PTPRQ: variants seen among roughly 807,000 people sequenced by gnomAD.
PTPRQ encodes protein tyrosine phosphatase receptor type Q, also known as phosphatidylinositol phosphatase PTPRQ.
A neutral mutation model predicts 246.0 loss-of-function variants in PTPRQ; 199 were observed. That is an observed-to-expected ratio of 0.81 (90% CI 0.72 to 0.91). The LOEUF (loss-of-function observed/expected upper bound fraction) is 0.91. Among genes scored for constraint, PTPRQ ranks in the 40% least tolerant of loss-of-function variants. The probability of loss-of-function intolerance (pLI) is 0.00; values close to 1 mark genes in which losing one functional copy is unlikely to be tolerated. For synonymous variants in PTPRQ, 869 were observed against 853.2 expected (o/e 1.02, Z -0.32); for missense variants, 2,624 against 2,528.4 (o/e 1.04, Z -0.81).
At chr12:80,617,095 G>T (rs1348720494) in intron 30 of PTPRQ, among the ~76,000 whole-genome samples, 2 of 151,184 alleles carry the variant, frequency 1.3e-5, no homozygotes, top group Non-Finnish European at 3.0e-5. Context: ...AAAGGTGACA[G>T]CATTAGGCTG....
rs1287111560 is a variant in PTPRQ at position 80,605,182 on chromosome 12, T to C, written c.4731+2T>C. On this transcript the variant is annotated splice_donor_variant, in intron 27 of 44. Coordinates refer to ENST00000644991, the MANE Select transcript of PTPRQ (RefSeq NM_001145026.2). LOFTEE classifies it high-confidence loss of function. ...TGTTATCTGATTGATGTCAAATCGG[T>C]AAGGCATGTCTTACCTTCTGTAAAA... The C allele has an allele frequency of 1.3e-6, 2 of 1,540,622 alleles. No homozygotes were observed. Among genetic ancestry groups the C allele is most frequent in the South Asian group, 1.2e-5 (1 of 82,472 alleles).
chr12:80,564,025 GT>G (rs547850343), intron 25 of PTPRQ, among the ~76,000 whole-genome samples: 6 of 151,578 alleles, frequency 4.0e-5, no homozygotes, highest in African/African-American at 9.7e-5. Context: ...AGACTGCACT[GT>G]TTTTTTTGTG....
intron 25 of PTPRQ, among the ~76,000 whole-genome samples, chr12:80,565,502 C>A (rs1390392871): frequency 6.6e-6 from 1 of 151,826 alleles, no homozygotes; most frequent in Admixed American, 6.6e-5. Context: ...TATTTTTTTT[C>A]TTATTCTCTT....
intron 8 of PTPRQ, among the ~76,000 whole-genome samples, chr12:80,479,646 G>A (rs920288524): frequency 7.1e-6 from 1 of 140,920 alleles, no homozygotes; most frequent in Non-Finnish European, 1.5e-5. Context: ...CACGTGCAGA[G>A]ACACACATAG....
Position 80,453,144 on chromosome 12 carries a change from C to T in PTPRQ, c.391-4431C>T, listed in dbSNP as rs557030956. On this transcript the variant is annotated intron_variant, in intron 3 of 44. Coordinates refer to ENST00000644991, the MANE Select transcript of PTPRQ (RefSeq NM_001145026.2). ...TCTTCCATCACTGATACCCTTTCTT[C>T]CAGTTGATCGCATCGGCTCCTGAGG... Among the ~76,000 whole-genome samples the T allele has an allele frequency of 1.2e-3, 187 of 152,270 alleles. 1 individual carries two copies. Among genetic ancestry groups the T allele is most frequent in the Non-Finnish European group, 1.7e-3 (116 of 68,022 alleles).
chr12:80,663,238 T>A (rs1375244436), intron 39 of PTPRQ, among the ~76,000 whole-genome samples: 2 of 151,916 alleles, frequency 1.3e-5, no homozygotes, highest in Non-Finnish European at 2.9e-5. Flanking sequence ...GTAACAAGAT[T>A]GTATAGGAAT....
intron 6 of PTPRQ, chr12:80,462,915 G>GA (rs1207319073): frequency 1.1e-5 from 1 of 88,886 alleles, no homozygotes; most frequent in East Asian, 2.5e-4. Flanking sequence ...CAAAGATGGG[G>GA]AAAAAACAGA....
Position 80,535,226 on chromosome 12 carries a change from GAC to G in PTPRQ, c.2985+209_2985+210del, listed in dbSNP as rs5799482. On this transcript the variant is annotated intron_variant, in intron 19 of 44. Transcript: ENST00000644991. Reference sequence around the variant, plus strand: ...CAGATACATTTAATCTCTCTTTACAGACACACACACACACACACACATACAAC... The same window carrying G: ...CAGATACATTTAATCTCTCTTTACAGACACACACACACACACACATACAAC... 0.056 allele frequency among the ~76,000 whole-genome samples: 8,491 copies of G among 151,262 alleles called. 313 individuals are homozygous for G. The highest frequency in any genetic ancestry group is 0.16 in the East Asian group (825 of 5,092).
intron 25 of PTPRQ, among the ~76,000 whole-genome samples, chr12:80,563,923 T>A (rs1257112192): frequency 6.6e-6 from 1 of 152,024 alleles, no homozygotes; most frequent in East Asian, 1.9e-4. Context: ...TCAACATTTG[T>A]CAGTATGGGA....
Position 80,534,041 on chromosome 12 carries a change from A to C in PTPRQ, c.2705A>C (p.Asn902Thr), listed in dbSNP as rs975984734. Residue 902 changes from asparagine (N) to threonine (T), a missense_variant, in exon 18 of 45, where the codon AAT becomes ACT. By Grantham distance (65) the Asn-to-Thr change is moderately conservative. Coordinates refer to ENST00000644991, the MANE Select transcript of PTPRQ (RefSeq NM_001145026.2). ...AATAGATCATCATTAAAAACTATTA[A>C]TGTCACTGAAACATCATTGGAGTTA... ...VWNRSSLKTI[N>T]VTETSLELSD... 7.6e-5 allele frequency: 115 copies of C among 1,522,588 alleles called. No individual in the cohort carries two copies. The highest frequency in any genetic ancestry group is 9.8e-5 in the Non-Finnish European group (111 of 1,136,146). The allele number at this position is 1,522,588 out of a possible 1,614,324, so 94.3% of individuals were successfully genotyped here. A position where few individuals can be genotyped will look rare whatever the true frequency, so the allele number is the denominator to read the frequency against.
intron 32 of PTPRQ, 44 bp from the exon 33 acceptor site, chr12:80,622,017 C>A (rs973064118): frequency 8.4e-7 from 1 of 1,185,448 alleles, no homozygotes; most frequent in Non-Finnish European, 1.1e-6. Context: ...TAGGAAAAAT[C>A]ACATGATATG....
intron 33 of PTPRQ, among the ~76,000 whole-genome samples, chr12:80,626,793 T>G (rs1241714893): frequency 6.6e-6 from 1 of 152,178 alleles, no homozygotes; most frequent in East Asian, 1.9e-4. Flanking sequence ...TGCTGTACCA[T>G]TTTCTCTTCT....
At chr12:80,505,958 C>A (rs1182189142) in intron 14 of PTPRQ, 66 bp from the exon 15 acceptor site, 2 of 1,485,010 alleles carry the variant, frequency 1.3e-6, no homozygotes, top group African/African-American at 1.4e-5. Context: ...ACTTCAGTGA[C>A]AATTTCAGCA....
At chr12:80,604,036 C>T (rs1898228994) in intron 26 of PTPRQ, among the ~76,000 whole-genome samples, 1 of 151,480 alleles carries the variant, frequency 6.6e-6, no homozygotes, top group Non-Finnish European at 1.5e-5. Flanking sequence ...TTTGGTGTTT[C>T]ACCAAGATCA....
chr12:80,542,014 C>T (rs781409292), intron 21 of PTPRQ, 75 bp from the exon 22 acceptor site: 95 of 1,491,168 alleles, frequency 6.4e-5, no homozygotes, highest in Non-Finnish European at 8.5e-5. Flanking sequence ...AAATCAAATC[C>T]CATTATGATT....
In PTPRQ at chr12:80,590,704, C is replaced by T. The variant is rs1216668597; in HGVS notation, c.4609+2252C>T. 3.4e-5 allele frequency among the ~76,000 whole-genome samples: 5 copies of T among 146,586 alleles called. No individual in the cohort carries two copies. In the South Asian group the frequency reaches 1.1e-3, roughly 33 times the overall value. On this transcript the variant is annotated intron_variant, in intron 26 of 44. Transcript: ENST00000644991. ...AAAAAAAAAAAAACTATCCAATGTA[C>T]TCCCATGGCTCTTAGAATAAATTTT...
At chr12:80,634,429 T>C (rs1848631964) in intron 34 of PTPRQ, among the ~76,000 whole-genome samples, 1 of 152,172 alleles carries the variant, frequency 6.6e-6, no homozygotes, top group African/African-American at 2.4e-5. Context: ...AAAGATAATA[T>C]CTACTCACAA....
intron 34 of PTPRQ, among the ~76,000 whole-genome samples, chr12:80,634,440 T>C (rs1899562393): frequency 6.6e-6 from 1 of 152,174 alleles, no homozygotes; most frequent in South Asian, 2.1e-4. Flanking sequence ...CTACTCACAA[T>C]ATTTTTATAA....
intron 17 of PTPRQ, chr12:80,526,033 A>G (rs1183803778): frequency 2.0e-5 from 3 of 152,166 alleles, no homozygotes; most frequent in African/African-American, 7.2e-5. Flanking sequence ...TCAAAAATCT[A>G]GAGGAGAAAC....
Sources: gnomAD v4.1 joint callset for allele counts (sites outside exome capture counted in the v4.1 genomes callset) on GRCh38, gnomAD v4.1.1 for gene constraint, MANE v1.5 for transcripts, NCBI Gene and HGNC (gene_info 2026-07-23, HGNC 2026-07-21) for gene names.